CNTN6: variants seen among roughly 807,000 people sequenced by gnomAD.
CNTN6 encodes contactin-6.
A neutral mutation model predicts 122.8 loss-of-function variants in CNTN6; 137 were observed. The ratio of observed to expected loss-of-function variants is 1.12; its 90% CI spans 0.97 to 1.29. CNTN6 has a LOEUF of 1.29. Ranked by LOEUF, CNTN6 falls within the 50% of genes most tolerant of loss-of-function variation. CNTN6 has a pLI of 0.00. For synonymous variants in CNTN6, 570 were observed against 426.0 expected, an observed-to-expected ratio of 1.34 and a Z score of -4.16; for missense variants, 1,634 against 1,223.4, an observed-to-expected ratio of 1.34 and a Z score of -5.01.
chr3:1,124,168 T>A (rs1429038450), intron 1 of CNTN6, among the ~76,000 whole-genome samples: 1 of 151,912 alleles, frequency 6.6e-6, no homozygotes, highest in African/African-American at 2.4e-5. Flanking sequence ...TGGCATCTGG[T>A]GCATGAAGAC....
intron 2 of CNTN6, among the ~76,000 whole-genome samples, chr3:1,187,943 C>T (rs1378834422): frequency 6.6e-6 from 1 of 152,086 alleles, no homozygotes; most frequent in Admixed American, 6.6e-5. Context: ...CTATGGTGGT[C>T]CACACCTCGA....
At chr3:1,249,563 A>G (rs1172433486) in intron 4 of CNTN6, among the ~76,000 whole-genome samples, 1 of 152,212 alleles carries the variant, frequency 6.6e-6, no homozygotes, top group East Asian at 1.9e-4. Context: ...AGAAAATGCA[A>G]ATAAGGAAGA....
chr3:1,355,639 T>C (rs915157852), intron 12 of CNTN6, among the ~76,000 whole-genome samples: 5 of 151,766 alleles, frequency 3.3e-5, no homozygotes, highest in Admixed American at 1.3e-4. Flanking sequence ...ATGATTGCTG[T>C]TACAGAATCA....
intron 11 of CNTN6, among the ~76,000 whole-genome samples, chr3:1,330,900 CT>C (rs1413785471): frequency 1.3e-5 from 2 of 152,002 alleles, no homozygotes; most frequent in East Asian, 3.9e-4. Context: ...AACTGGTTGC[CT>C]TGCGGGAAAT....
At chr3:1,107,216 G>C (rs376662647) in intron 1 of CNTN6, among the ~76,000 whole-genome samples, 9 of 152,086 alleles carry the variant, frequency 5.9e-5, no homozygotes, top group Non-Finnish European at 1.3e-4. Context: ...ACTAGTAAGA[G>C]AAATTCAGTT....
At chr3:1,382,099 A>G (rs1691981359) in intron 17 of CNTN6, among the ~76,000 whole-genome samples, 1 of 143,030 alleles carries the variant, frequency 7.0e-6, no homozygotes, top group Admixed American at 6.9e-5. Context: ...CTGTCAGAAT[A>G]TTTATTAAAA....
intron 2 of CNTN6, among the ~76,000 whole-genome samples, chr3:1,198,336 T>C (rs537411487): frequency 2.4e-4 from 36 of 152,308 alleles, no homozygotes; most frequent in Non-Finnish European, 4.7e-4. Flanking sequence ...GGAAAAGCTC[T>C]AATAAAAGGA....
intron 7 of CNTN6, among the ~76,000 whole-genome samples, chr3:1,315,355 C>A (rs938737959): frequency 2.0e-5 from 3 of 151,898 alleles, no homozygotes; most frequent in African/African-American, 7.2e-5. Context: ...TCTATTAGTG[C>A]TTTTAATTTA....
intron 11 of CNTN6, among the ~76,000 whole-genome samples, chr3:1,330,737 A>G (rs1303851300): frequency 6.6e-6 from 1 of 151,902 alleles, no homozygotes; most frequent in Non-Finnish European, 1.5e-5. Flanking sequence ...ACTTATATGC[A>G]TACCAGGATG....
At chr3:1,358,847 G>A (rs1015336018) in intron 12 of CNTN6, among the ~76,000 whole-genome samples, 1 of 151,928 alleles carries the variant, frequency 6.6e-6, no homozygotes, top group Non-Finnish European at 1.5e-5. Context: ...GAGGTGGGAG[G>A]ATTGCTTGAG....
chr3:1,165,801 T>C (rs1415654062), intron 2 of CNTN6, among the ~76,000 whole-genome samples: 1 of 152,200 alleles, frequency 6.6e-6, no homozygotes, highest in Non-Finnish European at 1.5e-5. Context: ...TAACAGAAGT[T>C]GTATTTTAGC....
At chr3:1,388,307 C>T (rs1170506066) in intron 20 of CNTN6, among the ~76,000 whole-genome samples, 3 of 147,216 alleles carry the variant, frequency 2.0e-5, no homozygotes, top group Admixed American at 6.9e-5. Flanking sequence ...GGCACACTGA[C>T]ACCTCACACG....
At chr3:1,093,854 T>C (rs548014488) in intron 1 of CNTN6, among the ~76,000 whole-genome samples, 82 of 152,332 alleles carry the variant, frequency 5.4e-4, no homozygotes, top group African/African-American at 1.9e-3. Context: ...TATAACCCAT[T>C]ATGTTAATGG....
chr3:1,163,507 G>A (rs2093179942), intron 2 of CNTN6, among the ~76,000 whole-genome samples: 1 of 152,134 alleles, frequency 6.6e-6, no homozygotes, highest in Non-Finnish European at 1.5e-5. Context: ...GAACCCCTGG[G>A]CTCAAGAGAT....
At chr3:1,224,230 A>T (rs2094247377) in intron 3 of CNTN6, among the ~76,000 whole-genome samples, 1 of 152,152 alleles carries the variant, frequency 6.6e-6, no homozygotes, top group East Asian at 1.9e-4. Context: ...TCATAGAAGT[A>T]GAGTGTAGAA....
chr3:1,337,802 C>T (rs1371724534), intron 11 of CNTN6, among the ~76,000 whole-genome samples: 4 of 152,124 alleles, frequency 2.6e-5, no homozygotes, highest in Non-Finnish European at 5.9e-5. Context: ...CAAGAGCCAT[C>T]TGATAGTCTT....
intron 1 of CNTN6, among the ~76,000 whole-genome samples, chr3:1,145,275 C>T (rs2092701241): frequency 6.6e-6 from 1 of 152,130 alleles, no homozygotes; most frequent in Non-Finnish European, 1.5e-5. Context: ...GCTTCGACTG[C>T]CATTGGTTTC....
intron 12 of CNTN6, among the ~76,000 whole-genome samples, chr3:1,357,255 T>G (rs1453559963): frequency 6.6e-6 from 1 of 151,864 alleles, no homozygotes; most frequent in East Asian, 1.9e-4. Flanking sequence ...TTATGCCAGT[T>G]GAAGGAGACC....
At chr3:1,128,427 C>T (rs1373214241) in intron 1 of CNTN6, 2 of 151,954 alleles carry the variant, frequency 1.3e-5, no homozygotes, top group African/African-American at 4.8e-5. Context: ...CTAATTTATC[C>T]TGTGCACAAT....
Sources: gnomAD v4.1 joint callset for allele counts (sites outside exome capture counted in the v4.1 genomes callset) on GRCh38, gnomAD v4.1.1 for gene constraint, MANE v1.5 for transcripts, NCBI Gene and HGNC (gene_info 2026-07-23, HGNC 2026-07-21) for gene names.